Variants in AHCY observed in about 807,000 individuals in gnomAD.
AHCY encodes the protein S-adenosyl-L-homocysteine hydrolase.
A neutral mutation model predicts 45.4 loss-of-function variants in AHCY; 24 were observed. The observed-to-expected ratio is 0.53, with a 90% CI of 0.38 to 0.74. The LOEUF (loss-of-function observed/expected upper bound fraction) is 0.74. Ranked by LOEUF, AHCY falls within the 30% of genes least tolerant of loss-of-function variation. The pLI is 0.00. For synonymous variants in AHCY, 245 were observed against 235.1 expected (o/e 1.04, Z -0.39); for missense variants, 449 against 594.1 (o/e 0.76, Z 2.54).
At chr20:34,283,546 G>GTT (rs1286752882) in intron 9 of AHCY, among the ~76,000 whole-genome samples, 2 of 152,186 alleles carry the variant, frequency 1.3e-5, no homozygotes, top group Admixed American at 6.5e-5. Context: ...AAGAAAAGTG[G>GTT]TAAGGACAGG....
intron 1 of AHCY, among the ~76,000 whole-genome samples, chr20:34,310,567 A>AT (rs2036937573): frequency 6.6e-6 from 1 of 152,244 alleles, no homozygotes; most frequent in African/African-American, 2.4e-5. Flanking sequence ...CACTTCTAGG[A>AT]ATTTATTCCA....
chr20:34,299,674 G>A (rs2036704855), intron 1 of AHCY, among the ~76,000 whole-genome samples: 1 of 152,166 alleles, frequency 6.6e-6, no homozygotes, highest in Middle Eastern at 3.2e-3. Context: ...TCTATTATGT[G>A]TCATGTTGGA....
chr20:34,266,020 C>T, the AHCY span, among the ~76,000 whole-genome samples: 2 of 151,878 alleles, frequency 1.3e-5, no homozygotes, highest in African/African-American at 2.4e-5. Flanking sequence ...ATGGTATTGC[C>T]TACCAAAGGC....
the AHCY span, among the ~76,000 whole-genome samples, chr20:34,258,627 T>C: frequency 8.3e-6 from 1 of 119,792 alleles, no homozygotes; most frequent in Non-Finnish European, 1.7e-5. Context: ...GAAATCATGG[T>C]GGAGAGCCCC....
chr20:34,274,249 A>C, the AHCY span, among the ~76,000 whole-genome samples: 1 of 152,228 alleles, frequency 6.6e-6, no homozygotes, highest in African/African-American at 2.4e-5. Flanking sequence ...CATGACACCA[A>C]GACTATCAAA....
chr20:34,273,829 C>G, the AHCY span, among the ~76,000 whole-genome samples: 4 of 152,238 alleles, frequency 2.6e-5, no homozygotes, highest in Non-Finnish European at 1.5e-5. Flanking sequence ...AAAGGAATGA[C>G]TTTTGTTTAA....
At chr20:34,256,814 T>C in the AHCY span, among the ~76,000 whole-genome samples, 1 of 152,158 alleles carries the variant, frequency 6.6e-6, no homozygotes, top group African/African-American at 2.4e-5. Context: ...CTCACTGTGT[T>C]GCCCAGGCTG....
At chr20:34,243,549 A>G in the AHCY span, among the ~76,000 whole-genome samples, 1 of 152,060 alleles carries the variant, frequency 6.6e-6, no homozygotes. Flanking sequence ...TTGAAACTGC[A>G]TTTGCTAAGA....
the AHCY span, among the ~76,000 whole-genome samples, chr20:34,235,858 AAGG>A: frequency 1.1e-4 from 4 of 35,436 alleles, 1 homozygote; most frequent in Non-Finnish European, 1.7e-4. Context: ...GGAAGGAAGG[AAGG>A]AAGGAAAGGA....
the AHCY span, chr20:34,269,013 T>A: frequency 6.2e-7 from 1 of 1,607,780 alleles, no homozygotes; most frequent in Non-Finnish European, 8.5e-7. Flanking sequence ...ATGAAGAAAG[T>A]GGTGCGGCCC....
chr20:34,304,179 G>A (rs1203140898), upstream of AHCY, among the ~76,000 whole-genome samples: 1 of 152,062 alleles, frequency 6.6e-6, no homozygotes, highest in Non-Finnish European at 1.5e-5. Context: ...TATATCAACC[G>A]TATTTACCCT....
chr20:34,270,495 G>A, the AHCY span, among the ~76,000 whole-genome samples: 1 of 152,168 alleles, frequency 6.6e-6, no homozygotes, highest in Non-Finnish European at 1.5e-5. Context: ...GTCACTCCTC[G>A]TGTTTTCCAG....
At chr20:34,245,333 CAAAA>C in the AHCY span, among the ~76,000 whole-genome samples, 1 of 63,600 alleles carries the variant, frequency 1.6e-5, no homozygotes, top group Admixed American at 1.8e-4. Flanking sequence ...GACTCTGTCT[CAAAA>C]AAAAAAAAAA....
At chr20:34,277,637 C>T (rs913182035), downstream of AHCY, among the ~76,000 whole-genome samples, 1 of 151,704 alleles carries the variant, frequency 6.6e-6, no homozygotes, top group African/African-American at 2.4e-5. Flanking sequence ...CGCCTGTAGT[C>T]CCAGCTACTC....
At chr20:34,289,729 C>T (rs1601654501) in intron 8 of AHCY, among the ~76,000 whole-genome samples, 1 of 150,840 alleles carries the variant, frequency 6.6e-6, no homozygotes, top group African/African-American at 2.5e-5. Context: ...CCGCCCGCCT[C>T]GACCTCCCAA....
At chr20:34,307,619 G>A (rs376383332), upstream of AHCY, among the ~76,000 whole-genome samples, 62 of 152,282 alleles carry the variant, frequency 4.1e-4, 1 homozygote, top group East Asian at 2.7e-3. Flanking sequence ...TGATCCGCCC[G>A]CCCTGGCTTC....
chr20:34,262,822 C>T, the AHCY span: 1 of 1,613,822 alleles, frequency 6.2e-7, no homozygotes, highest in East Asian at 2.2e-5. Context: ...CCTTTTGTCT[C>T]TCTTTGAAGC....
chr20:34,292,998 A>G (rs2036450373), intron 3 of AHCY, among the ~76,000 whole-genome samples: 1 of 152,134 alleles, frequency 6.6e-6, no homozygotes, highest in Middle Eastern at 3.2e-3. Flanking sequence ...GGACTGGAGC[A>G]CTAGCAGCCT....
chr20:34,269,008 G>C, the AHCY span: 1 of 1,607,732 alleles, frequency 6.2e-7, no homozygotes, highest in Admixed American at 1.7e-5. Context: ...CTTCGATGAA[G>C]AAAGTGGTGC....
Sources: allele counts gnomAD v4.1 joint callset (sites outside exome capture counted in the v4.1 genomes callset), GRCh38; gene constraint gnomAD v4.1.1; transcripts MANE v1.5; gene names NCBI Gene and HGNC (gene_info 2026-07-23, HGNC 2026-07-21).